Variants in MAPRE2 observed in about 807,000 individuals in gnomAD.
MAPRE2 encodes microtubule-associated protein RP/EB family member 2.
A neutral mutation model predicts 43.2 loss-of-function variants in MAPRE2; 13 were observed. That is an observed-to-expected ratio of 0.30 (90% CI 0.20 to 0.48). The LOEUF (loss-of-function observed/expected upper bound fraction) is 0.48, where lower values mean the gene tolerates loss of function less well. MAPRE2 is among the 20% of genes least tolerant of loss of function. MAPRE2 has a pLI of 0.99. For missense variants in MAPRE2, 161 were observed against 400.2 expected (o/e 0.40, Z 5.10); for synonymous variants, 135 against 148.8 (o/e 0.91, Z 0.68).
chr18:35,010,861 G>A (rs965923436), intron 2 of MAPRE2, among the ~76,000 whole-genome samples: 2 of 152,132 alleles, frequency 1.3e-5, no homozygotes, highest in African/African-American at 4.8e-5. Context: ...AGAGGTAGAT[G>A]GTTAGATAAA....
intron 3 of MAPRE2, among the ~76,000 whole-genome samples, chr18:35,100,906 G>A (rs474277): frequency 0.1 from 15,143 of 152,126 alleles, 912 homozygotes; most frequent in African/African-American, 0.16. Flanking sequence ...AGACATGGTG[G>A]TGCATGCCTG....
At chr18:35,117,358 C>T (rs945068657) in intron 4 of MAPRE2, among the ~76,000 whole-genome samples, 1 of 152,188 alleles carries the variant, frequency 6.6e-6, no homozygotes, top group Non-Finnish European at 1.5e-5. Context: ...TGGAGCACAA[C>T]AGGCTGGCCA....
chr18:34,980,023 C>CTTTTT (rs1450524683), intron 1 of MAPRE2, among the ~76,000 whole-genome samples: 145 of 132,486 alleles, frequency 1.1e-3, no homozygotes, highest in African/African-American at 4.0e-3. Flanking sequence ...TTTTCTTTTT[C>CTTTTT]TTTTTTTCTT....
intron 1 of MAPRE2, among the ~76,000 whole-genome samples, chr18:34,980,022 TCTTTTTTTC>T (rs2097015252): frequency 1.6e-5 from 1 of 63,650 alleles, no homozygotes; most frequent in African/African-American, 4.6e-5. Context: ...TTTTTCTTTT[TCTTTTTTTC>T]TTTTTTTTTT....
At chr18:35,124,741 GAGCTGTCTCCCCAGCTGTT>G (rs1040281543) in intron 4 of MAPRE2, among the ~76,000 whole-genome samples, 7 of 152,132 alleles carry the variant, frequency 4.6e-5, no homozygotes, top group African/African-American at 1.7e-4. Flanking sequence ...TGATATTTCC[GAGCTGTCTCCCCAGCTGTT>G]AGGCTGGTGG....
intron 1 of MAPRE2, among the ~76,000 whole-genome samples, chr18:35,063,360 T>G (rs67508143): frequency 0.49 from 75,113 of 151,754 alleles, 18,623 homozygotes; most frequent in Middle Eastern, 0.52. Flanking sequence ...GCCCGCCTTG[T>G]CCTCCCAAAG....
At chr18:35,094,603 A>T (rs1021759618) in intron 2 of MAPRE2, among the ~76,000 whole-genome samples, 1 of 152,240 alleles carries the variant, frequency 6.6e-6, no homozygotes, top group Non-Finnish European at 1.5e-5. Context: ...TTAGTGGTTT[A>T]GGTTGAAAAT....
chr18:34,993,076 T>C (rs1200564957), intron 1 of MAPRE2, among the ~76,000 whole-genome samples: 2 of 152,202 alleles, frequency 1.3e-5, no homozygotes, highest in African/African-American at 2.4e-5. Context: ...GATTTTGTGC[T>C]ACTGCACAAT....
At chr18:35,087,755 C>T (rs1234809546) in intron 2 of MAPRE2, among the ~76,000 whole-genome samples, 2 of 152,042 alleles carry the variant, frequency 1.3e-5, no homozygotes, top group South Asian at 2.1e-4. Flanking sequence ...TATATTGCAG[C>T]GAGGGAAAAA....
intron 2 of MAPRE2, among the ~76,000 whole-genome samples, chr18:35,017,187 G>T (rs1245180400): frequency 6.7e-6 from 1 of 149,230 alleles, no homozygotes; most frequent in African/African-American, 2.5e-5. Flanking sequence ...ATGTTCCTTT[G>T]GTCTGTATAT....
chr18:34,992,279 G>A (rs1023458796), intron 1 of MAPRE2, among the ~76,000 whole-genome samples: 1 of 152,158 alleles, frequency 6.6e-6, no homozygotes, highest in Non-Finnish European at 1.5e-5. Flanking sequence ...AAAACATGAA[G>A]TAAGACAAAG....
chr18:34,978,415 T>TGGG, intron 1 of MAPRE2: 1 of 1,041,460 alleles, frequency 9.6e-7, no homozygotes, highest in Non-Finnish European at 1.5e-6. Flanking sequence ...CGGTCCCAGC[T>TGGG]GGGGTGAAGT....
chr18:34,993,519 A>G (rs926289859), intron 1 of MAPRE2, among the ~76,000 whole-genome samples: 4 of 152,190 alleles, frequency 2.6e-5, no homozygotes, highest in African/African-American at 9.6e-5. Context: ...GCCTAATCAA[A>G]GGGACTTCCC....
At chr18:35,006,108 T>C (rs766712554) in intron 2 of MAPRE2, among the ~76,000 whole-genome samples, 2 of 152,306 alleles carry the variant, frequency 1.3e-5, no homozygotes, top group Admixed American at 6.5e-5. Flanking sequence ...TCTCTGTAAG[T>C]AATGTCTTCA....
Position 35,055,719 on chromosome 18 carries a change from G to A in MAPRE2, c.122+14058G>A, listed in dbSNP as rs1018075174. Among the ~76,000 whole-genome samples, 9 of 152,282 alleles carry A rather than the reference G, an allele frequency of 5.9e-5. No homozygotes were observed. In the East Asian group the frequency reaches 9.7e-4, roughly 16 times the overall value. On this transcript the variant is annotated intron_variant, in intron 1 of 6. Transcript: ENST00000300249. Reference sequence around the variant, plus strand: ...TGTAATCCTAGCCCTTTGGGAGGCCGAGGTGGGCGGATCATGAGGTTAGCA... The same window carrying A: ...TGTAATCCTAGCCCTTTGGGAGGCCAAGGTGGGCGGATCATGAGGTTAGCA...
intron 2 of MAPRE2, among the ~76,000 whole-genome samples, chr18:35,017,597 GGATTTCAACCTT>G (rs1291935155): frequency 8.0e-5 from 12 of 150,890 alleles, no homozygotes; most frequent in African/African-American, 2.9e-4. Context: ...ACTTTAAATG[GGATTTCAACCTT>G]GATTTGAGTC....
intron 1 of MAPRE2, among the ~76,000 whole-genome samples, chr18:34,981,881 T>TA (rs1227707864): frequency 1.1e-3 from 39 of 34,298 alleles, no homozygotes; most frequent in Non-Finnish European, 3.0e-3. Flanking sequence ...TTTTTTATTT[T>TA]TATTTATTTT....
intron 2 of MAPRE2, among the ~76,000 whole-genome samples, chr18:35,030,870 T>C (rs1168744946): frequency 2.0e-5 from 3 of 152,160 alleles, no homozygotes; most frequent in Non-Finnish European, 4.4e-5. Flanking sequence ...TGACCTGACT[T>C]CCTTAATGTT....
intron 4 of MAPRE2, among the ~76,000 whole-genome samples, chr18:35,124,825 C>A (rs1185692578): frequency 6.6e-6 from 1 of 152,162 alleles, no homozygotes; most frequent in East Asian, 1.9e-4. Context: ...GCCTCCCCTG[C>A]CTGCTTGTCT....
Sources: gnomAD v4.1 joint callset for allele counts (sites outside exome capture counted in the v4.1 genomes callset) on GRCh38, gnomAD v4.1.1 for gene constraint, MANE v1.5 for transcripts, NCBI Gene and HGNC (gene_info 2026-07-23, HGNC 2026-07-21) for gene names.